Variants in AP1G1 observed in about 807,000 individuals in gnomAD.
AP1G1 encodes the protein adaptor related protein complex 1 subunit gamma 1.
AP1G1 carries 7 observed loss-of-function variants against 108.3 expected under a neutral mutation model. The ratio of observed to expected loss-of-function variants is 0.06; its 90% CI spans 0.04 to 0.12. AP1G1 has a LOEUF of 0.12. Among genes scored for constraint, AP1G1 ranks in the 10% least tolerant of loss-of-function variants. The pLI, the probability that AP1G1 is intolerant of heterozygous loss-of-function variation, is 1.00. For missense variants in AP1G1, 756 were observed against 1,010.7 expected (o/e 0.75, Z 3.42); for synonymous variants, 379 against 353.5 (o/e 1.07, Z -0.81).
intron 13 of AP1G1, 114 bp from the exon 14 acceptor site, chr16:71,750,446 GCT>G: frequency 7.8e-7 from 1 of 1,279,504 alleles, no homozygotes; most frequent in Non-Finnish European, 1.1e-6. Flanking sequence ...ACAGAGTCTC[GCT>G]CTGTCACCCA....
In AP1G1 at chr16:71,749,997, A is replaced by T. The variant is rs1337074121; in HGVS notation, c.1408-14T>A. ...TACCAAAGGTTGCTGTGAAAAGAAA[A>T]GTCAACGTTTCTCAAGAACTTCAAT... is the stretch of plus-strand genomic sequence containing the variant. On this transcript the variant is annotated splice_polypyrimidine_tract_variant and intron_variant, in intron 14 of 22. Transcript: ENST00000299980. 2 of 1,601,208 alleles carry T rather than the reference A, an allele frequency of 1.2e-6. No individual in the cohort carries two copies. The highest frequency in any genetic ancestry group is 2.7e-5 in the African/African-American group (2 of 74,604).
At chr16:71,771,706 CAT>C (rs1567653955) in intron 4 of AP1G1, among the ~76,000 whole-genome samples, 1 of 152,066 alleles carries the variant, frequency 6.6e-6, no homozygotes, top group African/African-American at 2.4e-5. Flanking sequence ...AAAAGTTAAA[CAT>C]AATTTATGTG....
At chr16:71,805,396 A>G (rs1044174702) in intron 1 of AP1G1, among the ~76,000 whole-genome samples, 1 of 152,138 alleles carries the variant, frequency 6.6e-6, no homozygotes, top group African/African-American at 2.4e-5. Context: ...TTGCACAGTG[A>G]GCCGAGATCG....
At chr16:71,800,793 T>A (rs1475064132) in intron 1 of AP1G1, among the ~76,000 whole-genome samples, 1 of 141,014 alleles carries the variant, frequency 7.1e-6, no homozygotes. Flanking sequence ...ACAGCGAGAC[T>A]CCGTCTCAAA....
chr16:71,753,729 T>C (rs2030626132), intron 13 of AP1G1, 104 bp downstream of exon 13: 1 of 961,600 alleles, frequency 1.0e-6, no homozygotes, highest in Non-Finnish European at 1.6e-6. Flanking sequence ...TAATGTTACC[T>C]ATTTACTTGT....
intron 21 of AP1G1, among the ~76,000 whole-genome samples, chr16:71,738,208 G>A (rs999442844): frequency 6.0e-5 from 9 of 149,048 alleles, no homozygotes; most frequent in South Asian, 2.3e-4. Flanking sequence ...CTGCCATCAC[G>A]CCCGGCTAAT....
chr16:71,775,409 T>A (rs2031745536), intron 2 of AP1G1, among the ~76,000 whole-genome samples: 1 of 152,164 alleles, frequency 6.6e-6, no homozygotes, highest in African/African-American at 2.4e-5. Context: ...CTAGAACAGA[T>A]CATTTTATCA....
chr16:71,749,908 C>T lies in AP1G1; in HGVS notation c.1483G>A (p.Glu495Lys). 1.9e-6 allele frequency: 3 copies of T among 1,609,370 alleles called. No individual in the cohort carries two copies. The highest frequency in any genetic ancestry group is 2.2e-5 in the South Asian group (2 of 90,998). ...DLLVSGQCEE[E>K]EPIQVTEDEV... ...ACAAGGAGTACCTGAATAGGCTCTT[C>T]CTCTTCACACTGGCCAGATACAAGA... Residue 495 changes from glutamate (E) to lysine (K), a missense_variant, in exon 15 of 23, where the codon GAA (glutamate) becomes AAA (lysine). Glu to Lys is a moderately conservative substitution (Grantham distance 56, BLOSUM62 1). Around this residue, in one of 3 missense-constraint regions of AP1G1, gnomAD observed 357 missense variants for 366.5 expected, o/e 0.97. Transcript: ENST00000299980.
At chr16:71,743,999 C>T (rs907712580) in intron 19 of AP1G1, among the ~76,000 whole-genome samples, 1 of 149,370 alleles carries the variant, frequency 6.7e-6, no homozygotes, top group Admixed American at 6.7e-5. Flanking sequence ...AATCCCAGCA[C>T]TTTGGGAGGC....
intron 7 of AP1G1, 63 bp from the exon 8 acceptor site, chr16:71,764,789 T>A (rs1380603292): frequency 2.1e-5 from 22 of 1,054,348 alleles, no homozygotes; most frequent in Non-Finnish European, 3.1e-5. Context: ...TCTCACTTGG[T>A]ATGAAATTCA....
At chr16:71,744,527 A>AAGGTGAT (rs1347169500) in intron 19 of AP1G1, among the ~76,000 whole-genome samples, 42 of 151,672 alleles carry the variant, frequency 2.8e-4, no homozygotes, top group Admixed American at 5.9e-4. Context: ...ACTAAAAGCA[A>AAGGTGAT]AGGTGATACG....
chr16:71,756,197 T>C (rs2030775274), intron 11 of AP1G1, 38 bp from the exon 12 acceptor site: 1 of 1,585,910 alleles, frequency 6.3e-7, no homozygotes, highest in Non-Finnish European at 8.6e-7. Context: ...TTAAGAAATT[T>C]ATAGTGGAAA....
At position 71,807,084 on chromosome 16, in the gene AP1G1, T is replaced by C. The variant is rs533417768; in HGVS notation, c.-4+1679A>G. ...CTGAGATGAAATAAGGGTGATTCAA[T>C]CACACTCGCCTAACTTGAAACGTAG... On this transcript the variant is annotated intron_variant, in intron 1 of 22. Coordinates refer to ENST00000299980, the MANE Select transcript of AP1G1 (RefSeq NM_001128.6). 7.2e-5 allele frequency among the ~76,000 whole-genome samples: 11 copies of C among 152,352 alleles called. No individual in the cohort carries two copies. In the South Asian group the frequency reaches 1.7e-3, roughly 23 times the overall value.
chr16:71,787,770 T>C (rs963627147), intron 2 of AP1G1, among the ~76,000 whole-genome samples: 8 of 152,186 alleles, frequency 5.3e-5, no homozygotes, highest in African/African-American at 1.9e-4. Flanking sequence ...GTAAAGCTTA[T>C]AACTGAAACA....
intron 3 of AP1G1, among the ~76,000 whole-genome samples, chr16:71,774,099 C>G (rs1216103219): frequency 7.0e-6 from 1 of 143,820 alleles, no homozygotes; most frequent in Admixed American, 7.0e-5. Context: ...CAAAGTAGGC[C>G]AGGCACAGTG....
intron 6 of AP1G1, chr16:71,768,035 G>A (rs2031386522): frequency 5.2e-6 from 4 of 770,622 alleles, no homozygotes; most frequent in Non-Finnish European, 6.3e-6. Context: ...ACTCCTGTTA[G>A]AGCCTTACTA....
intron 1 of AP1G1, among the ~76,000 whole-genome samples, chr16:71,796,367 A>C (rs760542105): frequency 2.4e-4 from 37 of 152,174 alleles, no homozygotes; most frequent in Non-Finnish European, 4.1e-4. Context: ...CAAAACACTC[A>C]AGACCAACTT....
chr16:71,768,500 C>CAAAAAAAAAAAAAAAAAAA (rs527404594), intron 6 of AP1G1, among the ~76,000 whole-genome samples: 1 of 83,712 alleles, frequency 1.2e-5, no homozygotes. Context: ...GACTCCGCCA[C>CAAAAAAAAAAAAAAAAAAA]AAAAAAAAAA....
intron 2 of AP1G1, among the ~76,000 whole-genome samples, chr16:71,787,811 A>G (rs2032261873): frequency 6.6e-6 from 1 of 152,166 alleles, no homozygotes; most frequent in African/African-American, 2.4e-5. Context: ...TCCACTCCTA[A>G]CACTCTACGA....
Sources: allele counts gnomAD v4.1 joint callset (sites outside exome capture counted in the v4.1 genomes callset), GRCh38; gene constraint gnomAD v4.1.1; regional missense constraint gnomAD v4.1.1; transcripts MANE v1.5; gene names NCBI Gene and HGNC (gene_info 2026-07-23, HGNC 2026-07-21).